PCM1: variants seen among roughly 807,000 people sequenced by gnomAD.
The protein encoded by PCM1 is pericentriolar material 1 protein.
Under a neutral mutation model 241.9 loss-of-function variants are expected in PCM1, and 157 were observed. That is an observed-to-expected ratio of 0.65 (90% CI 0.57 to 0.74). The LOEUF is 0.74. Ranked by LOEUF, PCM1 falls within the 30% of genes least tolerant of loss-of-function variation. The pLI is 0.00. For missense variants in PCM1, 3,478 were observed against 2,360.1 expected (o/e 1.47, Z -9.81); for synonymous variants, 1,085 against 784.9 (o/e 1.38, Z -6.39).
intron 2 of PCM1, among the ~76,000 whole-genome samples, chr8:17,928,735 G>A (rs561629970): frequency 2.1e-5 from 3 of 145,888 alleles, no homozygotes; most frequent in South Asian, 2.2e-4. Context: ...GGGTTCAAAC[G>A]ATTCTCCTGC....
At position 17,955,502 on chromosome 8, in the gene PCM1, A is replaced by C; in HGVS notation, c.1321A>C (p.Thr441Pro). 1.2e-6 allele frequency: 2 copies of C among 1,612,734 alleles called. No individual in the cohort carries two copies. Among genetic ancestry groups the C allele is most frequent in the East Asian group, 2.2e-5 (1 of 44,852 alleles). Residue 441 changes from threonine (T) to proline (P), a missense_variant, in exon 10 of 39, where the codon ACT becomes CCT. Thr to Pro is a conservative substitution (Grantham distance 38). Transcript: ENST00000325083. ...SPQRSVDQRS[T>P]SAPSASVGLA... ...ACAAAGGAGTGTCGATCAGAGAAGT[A>C]CTTCAGCTCCCTCTGCTTCTGTAGG...
intron 2 of PCM1, among the ~76,000 whole-genome samples, chr8:17,930,905 A>G (rs1264058713): frequency 1.3e-5 from 2 of 152,006 alleles, no homozygotes; most frequent in Non-Finnish European, 2.9e-5. Context: ...ATTCATCCAT[A>G]TGCAATTATT....
chr8:17,946,600 G>A (rs1432824121), intron 6 of PCM1, among the ~76,000 whole-genome samples: 1 of 151,810 alleles, frequency 6.6e-6, no homozygotes, highest in East Asian at 1.9e-4. Context: ...GAGTTCAAGC[G>A]ATTCTCTTGC....
intron 26 of PCM1, among the ~76,000 whole-genome samples, chr8:17,986,657 G>A (rs990430048): frequency 1.3e-5 from 2 of 151,728 alleles, no homozygotes; most frequent in South Asian, 2.1e-4. Context: ...TTAGCACATC[G>A]TTGATTGAAT....
chr8:17,993,412 T>A lies in PCM1; in HGVS notation c.4691-71T>A. 4 of 1,032,696 alleles carry A rather than the reference T, an allele frequency of 3.9e-6. No individual in the cohort carries two copies. The South Asian group carries it at 8.6e-5, about 22-fold the overall frequency. 64.0% of individuals were successfully genotyped at this position (1,032,696 alleles called of 1,614,324 possible). On this transcript the variant is annotated intron_variant, in intron 28 of 38. Transcript: ENST00000325083. Reference sequence around the variant, plus strand: ...TCATCAAATTTAATATTTTTCAAATTTCAACATAAAGGCATATATGTATAT... The same window carrying A: ...TCATCAAATTTAATATTTTTCAAATATCAACATAAAGGCATATATGTATAT...
At position 18,028,840 on chromosome 8, in the gene PCM1, G is replaced by A. The variant is rs1251022113; in HGVS notation, c.*1178G>A. 5.4e-6 allele frequency: 1 copy of A among 185,068 alleles called. No individual in the cohort carries two copies. Among genetic ancestry groups the A allele is most frequent in the African/African-American group, 2.3e-5 (1 of 42,668 alleles). The allele number at this position is 185,068 out of a possible 1,614,324, so 11.5% of individuals were successfully genotyped here. On this transcript the variant is annotated 3_prime_UTR_variant, in exon 39 of 39. Coordinates refer to ENST00000325083, the MANE Select transcript of PCM1 (RefSeq NM_006197.4). ...ATACCCCATAAAAAAAGAACTTGTT[G>A]AGAGTATTTCTTTAAAATGGTTACT...
chr8:17,953,333 G>A (rs1228446163), intron 9 of PCM1, 147 bp downstream of exon 9: 2 of 460,094 alleles, frequency 4.3e-6, no homozygotes, highest in Non-Finnish European at 7.5e-6. Context: ...AAGTTTCTAA[G>A]TTGCAAGCCA....
chr8:17,966,089 A>G lies in PCM1; in HGVS notation c.2946A>G (p.Glu982=), dbSNP rs780778457. ...RQQNISMQRQ[E]NLRWVSELSY... Reference sequence around the variant, plus strand: ...AGAATATCAGCATGCAACGGCAAGAAAACCTTCGTTGGGTGTCAGAGCTCT... The same window carrying G: ...AGAATATCAGCATGCAACGGCAAGAGAACCTTCGTTGGGTGTCAGAGCTCT... Residue 982 remains glutamate, a synonymous_variant, in exon 19 of 39, where the codon GAA becomes GAG. Transcript: ENST00000325083. 5.0e-6 allele frequency: 8 copies of G among 1,613,858 alleles called. No homozygotes were observed. The Admixed American group carries it at 1.2e-4, about 24-fold the overall frequency.
intron 6 of PCM1, among the ~76,000 whole-genome samples, chr8:17,946,443 A>G (rs181685059): frequency 1.3e-5 from 2 of 152,086 alleles, no homozygotes; most frequent in East Asian, 3.9e-4. Context: ...AGGTGTGCCT[A>G]CTTTCTAGGT....
At chr8:18,015,426 A>C (rs2093041657) in intron 36 of PCM1, among the ~76,000 whole-genome samples, 1 of 152,178 alleles carries the variant, frequency 6.6e-6, no homozygotes, top group South Asian at 2.1e-4. Flanking sequence ...TTTCTGATAA[A>C]TGCTTCTGTT....
rs1023862168 is a variant in PCM1 at position 18,006,344 on chromosome 8, G to C, written c.4909G>C (p.Glu1637Gln). The change falls in exon 30 of 39, where the codon GAG becomes CAG. Residue 1637 changes from glutamate to glutamine, a missense_variant. Glu to Gln is a conservative substitution (Grantham distance 29, BLOSUM62 2). Transcript: ENST00000325083. ...MVLTLTQQNDESKEFVKFFHK... is the reference protein window; with the variant it reads ...MVLTLTQQNDQSKEFVKFFHK... Reference sequence around the variant, plus strand: ...TTTGACCCTTACCCAGCAAAATGATGAGAGCAAAGAGTTTGTAAAGTTCTT... The same window carrying C: ...TTTGACCCTTACCCAGCAAAATGATCAGAGCAAAGAGTTTGTAAAGTTCTT... 1.9e-6 allele frequency: 3 copies of C among 1,612,946 alleles called. No individual in the cohort carries two copies. Among genetic ancestry groups the C allele is most frequent in the African/African-American group, 1.3e-5 (1 of 74,850 alleles).
intron 22 of PCM1, 111 bp downstream of exon 22, chr8:17,969,859 T>C (rs1012039005): frequency 4.8e-5 from 38 of 793,084 alleles, no homozygotes; most frequent in Non-Finnish European, 7.1e-5. Context: ...TGATTTGGCT[T>C]GATGATGTTG....
chr8:18,006,303 C>G lies in PCM1; in HGVS notation c.4868C>G (p.Ser1623Ter), dbSNP rs748852225. Residue 1623 changes from serine to a stop codon, truncating the protein, a stop_gained, in exon 30 of 39, where the codon TCA becomes TGA. Coordinates refer to ENST00000325083, the MANE Select transcript of PCM1 (RefSeq NM_006197.4). LOFTEE classifies it high-confidence loss of function. ...DEVCSSQLLT[S>*]VRRMVLTLTQ... is the part of the protein sequence containing the mutation. ...GTATGCTCCTCGCAGCTTCTAACTT[C>G]AGTAAGGCGCATGGTTTTGACCCTT... 3 of 1,611,872 alleles carry G rather than the reference C, an allele frequency of 1.9e-6. No individual in the cohort carries two copies. Among genetic ancestry groups the G allele is most frequent in the Non-Finnish European group, 2.5e-6 (3 of 1,178,312 alleles).
At chr8:17,965,047 T>G (rs1374420206) in intron 18 of PCM1, among the ~76,000 whole-genome samples, 1 of 152,160 alleles carries the variant, frequency 6.6e-6, no homozygotes. Flanking sequence ...ACAATCCCCT[T>G]CAGGTTTATT....
chr8:17,980,131 A>G (rs2080196732), intron 23 of PCM1: 2 of 152,254 alleles, frequency 1.3e-5, no homozygotes, highest in Non-Finnish European at 2.9e-5. Flanking sequence ...TATAGAATAT[A>G]TGTATAACCT....
chr8:17,923,688 G>A (rs536563910), intron 1 of PCM1, among the ~76,000 whole-genome samples: 2 of 152,270 alleles, frequency 1.3e-5, no homozygotes, highest in South Asian at 2.1e-4. Flanking sequence ...CGACTCTGAA[G>A]AGTTGCAGTT....
rs540061861 is a variant in PCM1, at chr8:17,966,331, C to T, written c.3079C>T (p.Leu1027=). The change falls in exon 20 of 39, where the codon CTA becomes TTA. Residue 1027 remains leucine, a synonymous_variant. Coordinates refer to ENST00000325083, the MANE Select transcript of PCM1 (RefSeq NM_006197.4). ...CQTLMQDQQT[L]SCLLQTLLTG... ...AACAAACATTTTCTTTCAATAGACT[C>T]TATCTTGTCTGCTACAAACTCTTCT... 1.2e-6 allele frequency: 2 copies of T among 1,613,696 alleles called. No homozygotes were observed. The highest frequency in any genetic ancestry group is 2.7e-5 in the African/African-American group (2 of 75,066).
At chr8:17,991,385 C>G (rs978045238) in intron 27 of PCM1, among the ~76,000 whole-genome samples, 157 bp from the exon 28 acceptor site, 1 of 152,080 alleles carries the variant, frequency 6.6e-6, no homozygotes, top group Admixed American at 6.6e-5. Flanking sequence ...ATAAGTGTGA[C>G]AATGTATATG....
chr8:17,991,589 T>C lies in PCM1; in HGVS notation c.4579T>C (p.Tyr1527His). ...TCAAGCATTAGCCAGAATGAGAGAA[T>C]ATGAGCGTATGAAGACTGAGGCTGA... ...LDQALARMRE[Y>H]ERMKTEAESN... The change falls in exon 28 of 39, where the codon TAT becomes CAT. Residue 1527 changes from tyrosine (Y) to histidine (H), a missense_variant. Transcript: ENST00000325083. The C allele has an allele frequency of 1.9e-6, 3 of 1,599,172 alleles. No individual in the cohort carries two copies. Among genetic ancestry groups the C allele is most frequent in the Non-Finnish European group, 2.6e-6 (3 of 1,172,182 alleles).
Sources: allele counts gnomAD v4.1 joint callset (sites outside exome capture counted in the v4.1 genomes callset), GRCh38; gene constraint gnomAD v4.1.1; transcripts MANE v1.5; gene names NCBI Gene and HGNC (gene_info 2026-07-23, HGNC 2026-07-21).